FMN2: variants seen among roughly 807,000 people sequenced by gnomAD.
FMN2 encodes formin 2.
A neutral mutation model predicts 142.3 loss-of-function variants in FMN2; 51 were observed. The observed-to-expected ratio is 0.36, with a 90% CI of 0.29 to 0.45. FMN2 has a LOEUF of 0.45. Ranked by LOEUF, FMN2 falls within the 20% of genes least tolerant of loss-of-function variation. The probability of loss-of-function intolerance (pLI) is 1.00; values close to 1 mark genes in which losing one functional copy is unlikely to be tolerated. For synonymous variants in FMN2, 882 were observed against 869.8 expected (o/e 1.01, Z -0.25); for missense variants, 1,936 against 2,122.8 (o/e 0.91, Z 1.73).
chr1:240,148,203 GAGAGAGAGAGACAGAGAC>G (rs1399633004), intron 2 of FMN2, among the ~76,000 whole-genome samples: 1 of 150,580 alleles, frequency 6.6e-6, no homozygotes, highest in African/African-American at 2.4e-5. Flanking sequence ...GACAGAGACA[GAGAGAGAGAGACAGAGAC>G]AGAGAGACAG....
intron 13 of FMN2, among the ~76,000 whole-genome samples, chr1:240,349,811 G>A (rs542151590): frequency 4.6e-5 from 7 of 152,260 alleles, no homozygotes; most frequent in East Asian, 1.9e-4. Flanking sequence ...GGAATTACTC[G>A]GTTATGCCAA....
intron 15 of FMN2, among the ~76,000 whole-genome samples, chr1:240,428,782 G>A (rs971941690): frequency 6.6e-6 from 1 of 152,124 alleles, no homozygotes; most frequent in Non-Finnish European, 1.5e-5. Flanking sequence ...TAATTTACAA[G>A]AATACAACAT....
intron 14 of FMN2, among the ~76,000 whole-genome samples, chr1:240,367,535 A>G (rs1395945258): frequency 2.0e-5 from 3 of 152,054 alleles, no homozygotes; most frequent in Admixed American, 6.6e-5. Flanking sequence ...TTTGGAGGCC[A>G]AGGTGGGTGG....
intron 5 of FMN2, 124 bp from the exon 6 acceptor site, chr1:240,210,967 C>A (rs752316949): frequency 2.1e-5 from 17 of 799,908 alleles, no homozygotes; most frequent in Non-Finnish European, 3.1e-5. Flanking sequence ...CTTCTTATCT[C>A]TCTTCTTTTT....
In FMN2 at chr1:240,474,355, G is replaced by A; in HGVS notation, c.*201G>A. ...AAAAATGCAAACGTACTAGACCAGT[G>A]GAGAATTTGACACCTTTTCTTTTTG... On this transcript the variant is annotated 3_prime_UTR_variant, in exon 18 of 18. Transcript: ENST00000319653. 1 of 502,736 alleles carries A rather than the reference G, an allele frequency of 2.0e-6. No homozygotes were observed. The highest frequency in any genetic ancestry group is 3.5e-6 in the Non-Finnish European group (1 of 289,468). 31.1% of individuals were successfully genotyped at this position (502,736 alleles called of 1,614,324 possible). A position where few individuals can be genotyped will look rare whatever the true frequency, so the allele number is the denominator to read the frequency against.
chr1:240,385,220 A>G (rs113278545), intron 14 of FMN2, among the ~76,000 whole-genome samples: 24 of 152,176 alleles, frequency 1.6e-4, no homozygotes, highest in African/African-American at 4.8e-4. Context: ...GAATCCCTAA[A>G]TTGAAATTAA....
chr1:240,315,958 A>G (rs868540054), intron 8 of FMN2, among the ~76,000 whole-genome samples: 1 of 152,228 alleles, frequency 6.6e-6, no homozygotes, highest in South Asian at 2.1e-4. Flanking sequence ...ACAAAAGGCC[A>G]TTTCATGCAT....
At chr1:240,100,662 T>C (rs1475703716) in intron 1 of FMN2, among the ~76,000 whole-genome samples, 3 of 152,194 alleles carry the variant, frequency 2.0e-5, no homozygotes, top group African/African-American at 7.2e-5. Flanking sequence ...GAGGGAAGAA[T>C]TTATGTCTTC....
intron 15 of FMN2, among the ~76,000 whole-genome samples, chr1:240,412,622 TGTAA>T (rs763655168): frequency 1.3e-5 from 2 of 151,746 alleles, no homozygotes; most frequent in Non-Finnish European, 2.9e-5. Context: ...TTGAGTAAAG[TGTAA>T]GTGATGCCAG....
At chr1:240,385,269 C>T (rs1673369884) in intron 14 of FMN2, among the ~76,000 whole-genome samples, 3 of 152,202 alleles carry the variant, frequency 2.0e-5, no homozygotes, top group South Asian at 2.1e-4. Flanking sequence ...AGCCCTAATG[C>T]GTGTATTTAC....
At chr1:240,330,779 A>G (rs1489171168) in intron 11 of FMN2, 30 bp downstream of exon 11, 1 of 1,601,234 alleles carries the variant, frequency 6.2e-7, no homozygotes, top group South Asian at 1.1e-5. Flanking sequence ...GGACGTAAGC[A>G]CATTGAGGAG....
chr1:240,099,856 C>G (rs1042572003), intron 1 of FMN2, among the ~76,000 whole-genome samples: 13 of 152,128 alleles, frequency 8.5e-5, no homozygotes, highest in African/African-American at 3.1e-4. Flanking sequence ...TCTTGCCACC[C>G]TCTGCCTTTC....
chr1:240,238,522 G>A (rs928242736), intron 6 of FMN2, among the ~76,000 whole-genome samples: 6 of 152,108 alleles, frequency 3.9e-5, no homozygotes, highest in African/African-American at 1.4e-4. Flanking sequence ...ATAGGCTCCT[G>A]CGTGACTTAT....
chr1:240,135,732 T>A (rs1166330862), intron 2 of FMN2, among the ~76,000 whole-genome samples: 1 of 150,694 alleles, frequency 6.6e-6, no homozygotes, highest in Non-Finnish European at 1.5e-5. Context: ...CCAGTTGGAG[T>A]GCAGTGGTGC....
chr1:240,149,677 C>T (rs1396826451), intron 2 of FMN2, among the ~76,000 whole-genome samples: 1 of 152,150 alleles, frequency 6.6e-6, no homozygotes, highest in African/African-American at 2.4e-5. Flanking sequence ...TTTAGCTCTG[C>T]CCTCTGCTGG....
At chr1:240,409,343 C>T (rs551086341) in intron 15 of FMN2, among the ~76,000 whole-genome samples, 13 of 152,020 alleles carry the variant, frequency 8.6e-5, no homozygotes, top group African/African-American at 2.9e-4. Flanking sequence ...GGGGTTTCAC[C>T]GTGTTGGCCA....
At chr1:240,155,974 C>A (rs1012657444) in intron 2 of FMN2, among the ~76,000 whole-genome samples, 3 of 151,342 alleles carry the variant, frequency 2.0e-5, no homozygotes, top group Admixed American at 1.3e-4. Context: ...CGTGGTGGCT[C>A]ACTCCTGTAA....
At chr1:240,338,036 G>C (rs376488347) in intron 13 of FMN2, among the ~76,000 whole-genome samples, 139 of 152,260 alleles carry the variant, frequency 9.1e-4, no homozygotes, top group African/African-American at 3.0e-3. Flanking sequence ...AATAGGAATT[G>C]TAGCATTTGC....
At chr1:240,283,045 G>C (rs1438104527) in intron 7 of FMN2, among the ~76,000 whole-genome samples, 4 of 152,184 alleles carry the variant, frequency 2.6e-5, no homozygotes. Context: ...CAGTTGCACA[G>C]TGACATGCAC....
Sources: allele counts gnomAD v4.1 joint callset (sites outside exome capture counted in the v4.1 genomes callset), GRCh38; gene constraint gnomAD v4.1.1; transcripts MANE v1.5; gene names NCBI Gene and HGNC (gene_info 2026-07-23, HGNC 2026-07-21).